The following COL25A1 variants were observed in gnomAD, a reference collection of about 807,000 sequenced individuals.
COL25A1 encodes the protein collagen alpha-1(XXV) chain.
Under a neutral mutation model 128.4 loss-of-function variants are expected in COL25A1, and 103 were observed. The observed-to-expected ratio is 0.80, with a 90% CI of 0.68 to 0.94. COL25A1 has a LOEUF of 0.94. Ranked by LOEUF, COL25A1 falls within the 40% of genes least tolerant of loss-of-function variation. The pLI, the probability that COL25A1 is intolerant of heterozygous loss-of-function variation, is 0.00. For missense variants in COL25A1, 745 were observed against 840.0 expected, an observed-to-expected ratio of 0.89 and a Z score of 1.40; for synonymous variants, 279 against 277.2, an observed-to-expected ratio of 1.01 and a Z score of -0.06.
chr4:109,215,532 T>A (rs1432633389), intron 3 of COL25A1, among the ~76,000 whole-genome samples: 3 of 152,192 alleles, frequency 2.0e-5, no homozygotes, highest in Non-Finnish European at 2.9e-5. Flanking sequence ...AAGATATAAG[T>A]ATGTAGAATA....
In COL25A1 at chr4:108,898,673, T is replaced by C. The variant is rs538133696; in HGVS notation, c.861+481A>G. 1.5e-4 allele frequency among the ~76,000 whole-genome samples: 23 copies of C among 152,202 alleles called. 1 individual carries two copies. The Middle Eastern group carries it at 0.01, about 68-fold the overall frequency. On this transcript the variant is annotated intron_variant, in intron 15 of 37. Transcript: ENST00000399132. ...TCTGTATCCCTTTAACCTAGTGACATTAGAAGCAGTAGAGAGAGATGTGGG... is the reference window on the plus strand; with the variant it reads ...TCTGTATCCCTTTAACCTAGTGACACTAGAAGCAGTAGAGAGAGATGTGGG...
chr4:109,039,113 C>T (rs553557946), intron 5 of COL25A1, among the ~76,000 whole-genome samples: 1 of 152,230 alleles, frequency 6.6e-6, no homozygotes, highest in South Asian at 2.1e-4. Flanking sequence ...TCCCCTGCTA[C>T]CATTCTTTCC....
chr4:109,192,722 G>C lies in COL25A1; in HGVS notation c.367+107861C>G, dbSNP rs146879183. Among the ~76,000 whole-genome samples, 1,287 of 151,984 alleles carry C rather than the reference G, an allele frequency of 8.5e-3. 58 individuals are homozygous for C. In the South Asian group the frequency reaches 0.14, roughly 16 times the overall value. On this transcript the variant is annotated intron_variant, in intron 3 of 37. Transcript: ENST00000399132. ...CAAAAAAATTAGCCAGGTGTGGTCG[G>C]GGGCACCTGTAGTACCAGCTACTCA...
intron 23 of COL25A1, 27 bp downstream of exon 23, chr4:108,860,900 G>A (rs1415215747): frequency 6.2e-7 from 1 of 1,609,982 alleles, no homozygotes; most frequent in South Asian, 1.1e-5. Flanking sequence ...GGGAGCAAAA[G>A]TTTAGATGGA....
chr4:108,995,993 G>A (rs965975065), intron 6 of COL25A1, among the ~76,000 whole-genome samples: 13 of 152,016 alleles, frequency 8.6e-5, no homozygotes, highest in Admixed American at 6.6e-5. Flanking sequence ...AGGAACAACC[G>A]GTACCAGCCA....
intron 3 of COL25A1, among the ~76,000 whole-genome samples, chr4:109,256,267 T>A (rs1781081831): frequency 6.6e-6 from 1 of 152,144 alleles, no homozygotes; most frequent in South Asian, 2.1e-4. Context: ...TCAGAAAATG[T>A]ATGGACAGTT....
At chr4:108,968,147 G>T (rs1322319979) in intron 8 of COL25A1, among the ~76,000 whole-genome samples, 1 of 152,140 alleles carries the variant, frequency 6.6e-6, no homozygotes, top group African/African-American at 2.4e-5. Context: ...AACACTCAGT[G>T]CCTCGTAGAA....
At chr4:109,036,057 A>G (rs1759320777) in intron 5 of COL25A1, among the ~76,000 whole-genome samples, 1 of 151,996 alleles carries the variant, frequency 6.6e-6, no homozygotes, top group Non-Finnish European at 1.5e-5. Context: ...TCTCCTGAGC[A>G]GCTGGGACTA....
chr4:108,930,418 G>C (rs1349960016), intron 11 of COL25A1, among the ~76,000 whole-genome samples: 1 of 152,114 alleles, frequency 6.6e-6, no homozygotes, highest in African/African-American at 2.4e-5. Flanking sequence ...CCAATGACTT[G>C]AGCTCACTAC....
At chr4:109,270,307 ATAT>A (rs1782107200) in intron 3 of COL25A1, among the ~76,000 whole-genome samples, 1 of 152,232 alleles carries the variant, frequency 6.6e-6, no homozygotes, top group Admixed American at 6.5e-5. Flanking sequence ...ACATGACTGT[ATAT>A]CTAGAAAAAC....
At chr4:109,110,799 C>T (rs577852641) in intron 3 of COL25A1, among the ~76,000 whole-genome samples, 10 of 152,258 alleles carry the variant, frequency 6.6e-5, no homozygotes, top group African/African-American at 2.4e-4. Context: ...GTTTCCAAAG[C>T]CCATCAGTTC....
intron 11 of COL25A1, among the ~76,000 whole-genome samples, chr4:108,929,462 C>A (rs1257169840): frequency 6.6e-6 from 1 of 152,020 alleles, no homozygotes; most frequent in East Asian, 1.9e-4. Flanking sequence ...TTTCCATTGT[C>A]CTCATGAAAA....
Position 108,822,794 on chromosome 4 carries a change from T to C in COL25A1, c.1845+1380A>G, listed in dbSNP as rs75737634. On this transcript the variant is annotated intron_variant, in intron 35 of 37. Transcript: ENST00000399132. ...TATGCACAATTTATCTCAAAACGTATGTATTTTATAGTCAGAATTTATAAT... is the reference window on the plus strand; with the variant it reads ...TATGCACAATTTATCTCAAAACGTACGTATTTTATAGTCAGAATTTATAAT... 1.2e-3 allele frequency among the ~76,000 whole-genome samples: 180 copies of C among 152,326 alleles called. 3 individuals are homozygous for C. In the East Asian group the frequency reaches 0.029, roughly 25 times the overall value.
intron 31 of COL25A1, among the ~76,000 whole-genome samples, chr4:108,838,405 T>C (rs1734053684): frequency 6.6e-6 from 1 of 152,222 alleles, no homozygotes; most frequent in South Asian, 2.1e-4. Flanking sequence ...GTATGCTCCT[T>C]ACAATAAAAA....
chr4:109,246,117 T>A (rs1489029687), intron 3 of COL25A1, among the ~76,000 whole-genome samples: 2 of 150,672 alleles, frequency 1.3e-5, no homozygotes, highest in Non-Finnish European at 3.0e-5. Context: ...GACTTAAGCA[T>A]GAAAATAGAT....
chr4:109,158,538 C>A (rs922538507), intron 3 of COL25A1, among the ~76,000 whole-genome samples: 1 of 152,106 alleles, frequency 6.6e-6, no homozygotes, highest in Non-Finnish European at 1.5e-5. Flanking sequence ...GAAGTATCTA[C>A]AATATTCTAG....
intron 5 of COL25A1, among the ~76,000 whole-genome samples, chr4:109,017,666 G>A (rs1757343388): frequency 6.6e-6 from 1 of 152,162 alleles, no homozygotes; most frequent in South Asian, 2.1e-4. Flanking sequence ...CAGAAAAGTT[G>A]TAGTTTTAAA....
intron 3 of COL25A1, among the ~76,000 whole-genome samples, chr4:109,168,033 C>T (rs1457720550): frequency 6.6e-6 from 1 of 152,016 alleles, no homozygotes; most frequent in African/African-American, 2.4e-5. Flanking sequence ...TTTTAGGTTG[C>T]CATTTATGAG....
chr4:109,189,708 T>C (rs1775435852), intron 3 of COL25A1, among the ~76,000 whole-genome samples: 1 of 152,132 alleles, frequency 6.6e-6, no homozygotes, highest in Non-Finnish European at 1.5e-5. Context: ...TACTCCATAT[T>C]TCAAAGTATT....
Sources: allele counts gnomAD v4.1 joint callset (sites outside exome capture counted in the v4.1 genomes callset), GRCh38; gene constraint gnomAD v4.1.1; transcripts MANE v1.5; gene names NCBI Gene and HGNC (gene_info 2026-07-23, HGNC 2026-07-21).